The following DNER variants were observed in gnomAD, a reference collection of about 807,000 sequenced individuals.
DNER encodes the protein delta and Notch-like epidermal growth factor-related receptor.
Under a neutral mutation model 78.2 loss-of-function variants are expected in DNER, and 33 were observed. The ratio of observed to expected loss-of-function variants is 0.42; its 90% CI spans 0.32 to 0.56. The LOEUF (loss-of-function observed/expected upper bound fraction) is 0.56, where lower values mean the gene tolerates loss of function less well. Ranked by LOEUF, DNER falls within the 20% of genes least tolerant of loss-of-function variation. DNER has a pLI of 0.11. For missense variants in DNER, 918 were observed against 975.3 expected (o/e 0.94, Z 0.78); for synonymous variants, 417 against 384.8 (o/e 1.08, Z -0.98).
chr2:229,566,614 G>A (rs781368029), intron 4 of DNER, among the ~76,000 whole-genome samples: 1 of 152,086 alleles, frequency 6.6e-6, no homozygotes, highest in Non-Finnish European at 1.5e-5. Context: ...AAGCTCTCAG[G>A]CAGTCTTCCT....
At chr2:229,705,570 G>T (rs1247442610) in intron 1 of DNER, among the ~76,000 whole-genome samples, 1 of 152,106 alleles carries the variant, frequency 6.6e-6, no homozygotes, top group Non-Finnish European at 1.5e-5. Context: ...CACAAACCAT[G>T]GAGCAGTCTG....
At chr2:229,414,578 C>G (rs955858547) in intron 9 of DNER, among the ~76,000 whole-genome samples, 50 of 152,188 alleles carry the variant, frequency 3.3e-4, no homozygotes, top group Non-Finnish European at 1.0e-4. Flanking sequence ...GTTTAACACA[C>G]TTGTATGCCT....
At chr2:229,658,924 G>A (rs1024151187) in intron 1 of DNER, among the ~76,000 whole-genome samples, 3 of 152,216 alleles carry the variant, frequency 2.0e-5, no homozygotes, top group Non-Finnish European at 2.9e-5. Flanking sequence ...TAAAAATAGA[G>A]GTTACAAAAT....
At chr2:229,404,932 G>GTAA (rs78595866) in intron 10 of DNER, among the ~76,000 whole-genome samples, 147,554 of 152,162 alleles carry the variant, frequency 0.97, 71,698 homozygotes, top group Middle Eastern at 1. Flanking sequence ...ATGTAATTAT[G>GTAA]GACTAAAATA....
intron 4 of DNER, among the ~76,000 whole-genome samples, chr2:229,583,744 G>A (rs1057176653): frequency 1.3e-5 from 2 of 152,126 alleles, no homozygotes; most frequent in Non-Finnish European, 2.9e-5. Flanking sequence ...AGCAGATATG[G>A]AAGTAAATAA....
intron 1 of DNER, among the ~76,000 whole-genome samples, chr2:229,593,873 G>C (rs1355526807): frequency 6.6e-6 from 1 of 152,226 alleles, no homozygotes; most frequent in Admixed American, 6.5e-5. Context: ...TTCAATACAT[G>C]CATTAAAAAG....
intron 12 of DNER, among the ~76,000 whole-genome samples, chr2:229,361,229 T>TA (rs1692202651): frequency 6.6e-6 from 1 of 151,948 alleles, no homozygotes; most frequent in South Asian, 2.1e-4. Flanking sequence ...TTTTTTTTTT[T>TA]AATATCTCAG....
At position 229,407,234 on chromosome 2, in the gene DNER, G is replaced by T. The variant is rs765810340; in HGVS notation, c.1721C>A (p.Thr574Lys). The T allele has an allele frequency of 2.5e-6, 4 of 1,606,114 alleles. No individual in the cohort carries two copies. The highest frequency in any genetic ancestry group is 3.4e-6 in the Non-Finnish European group (4 of 1,173,584). ...ACTCAGTCCCTGGAATCACTTGCCTGTAAACCCGGGTGCACAGATGCACGT... is the reference window on the plus strand; with the variant it reads ...ACTCAGTCCCTGGAATCACTTGCCTTTAAACCCGGGTGCACAGATGCACGT... Reference protein sequence around the residue: ...NGTCICAPGFTGEECDIDINE... With the variant: ...NGTCICAPGFKGEECDIDINE... The change falls in exon 10 of 13, where the codon ACA becomes AAA. Residue 574 changes from threonine to lysine, a missense_variant and splice_region_variant. Coordinates refer to ENST00000341772, the MANE Select transcript of DNER (RefSeq NM_139072.4).
intron 1 of DNER, among the ~76,000 whole-genome samples, chr2:229,616,077 A>G (rs1698156979): frequency 6.6e-6 from 1 of 152,266 alleles, no homozygotes; most frequent in South Asian, 2.1e-4. Flanking sequence ...TTTTATTAAA[A>G]ACTGCAAAAC....
intron 1 of DNER, among the ~76,000 whole-genome samples, chr2:229,634,098 C>A (rs1429211474): frequency 6.6e-6 from 1 of 152,138 alleles, no homozygotes; most frequent in Non-Finnish European, 1.5e-5. Flanking sequence ...CATGCACAGC[C>A]TATGGAAATG....
intron 4 of DNER, among the ~76,000 whole-genome samples, chr2:229,549,961 A>G (rs750965404): frequency 2.0e-5 from 3 of 152,000 alleles, no homozygotes; most frequent in Non-Finnish European, 1.5e-5. Context: ...AATCTTGTGT[A>G]CAATGAAATC....
intron 6 of DNER, among the ~76,000 whole-genome samples, chr2:229,501,459 G>A (rs1695622511): frequency 6.6e-6 from 1 of 150,944 alleles, no homozygotes; most frequent in Non-Finnish European, 1.5e-5. Flanking sequence ...ACTGATACTT[G>A]ACATAGAAAT....
intron 6 of DNER, among the ~76,000 whole-genome samples, chr2:229,486,322 C>T (rs532184613): frequency 6.6e-6 from 1 of 151,396 alleles, no homozygotes. Flanking sequence ...TGAAGCCCAT[C>T]TATGAAAGAC....
chr2:229,590,565 G>A (rs1697584320), intron 2 of DNER, among the ~76,000 whole-genome samples: 1 of 152,116 alleles, frequency 6.6e-6, no homozygotes, highest in Non-Finnish European at 1.5e-5. Flanking sequence ...ATTAAGAGGT[G>A]GGGCCTTTGA....
intron 1 of DNER, among the ~76,000 whole-genome samples, chr2:229,626,810 A>G (rs1004152229): frequency 6.6e-6 from 1 of 152,376 alleles, no homozygotes; most frequent in Middle Eastern, 3.4e-3. Context: ...AATTCAGTAC[A>G]TACAACATAT....
intron 1 of DNER, among the ~76,000 whole-genome samples, chr2:229,628,669 T>C (rs1049871195): frequency 2.0e-5 from 3 of 152,152 alleles, no homozygotes; most frequent in Admixed American, 6.5e-5. Flanking sequence ...GCACTGACCA[T>C]GGTAACGCTA....
intron 7 of DNER, among the ~76,000 whole-genome samples, chr2:229,455,779 C>T (rs1694559811): frequency 6.6e-6 from 1 of 152,108 alleles, no homozygotes; most frequent in South Asian, 2.1e-4. Context: ...GTACCAGGCA[C>T]TGTTCCAAGG....
chr2:229,675,917 C>G (rs928722126), intron 1 of DNER, among the ~76,000 whole-genome samples: 4 of 152,140 alleles, frequency 2.6e-5, no homozygotes, highest in African/African-American at 9.7e-5. Flanking sequence ...GTACCACTGC[C>G]AGGGCTGCTC....
intron 5 of DNER, among the ~76,000 whole-genome samples, chr2:229,538,368 T>A (rs1696451513): frequency 1.3e-5 from 2 of 152,122 alleles, no homozygotes; most frequent in African/African-American, 4.8e-5. Flanking sequence ...TAGAAAAATG[T>A]ATATATATTT....
Sources: allele counts gnomAD v4.1 joint callset (sites outside exome capture counted in the v4.1 genomes callset), GRCh38; gene constraint gnomAD v4.1.1; transcripts MANE v1.5; gene names NCBI Gene and HGNC (gene_info 2026-07-23, HGNC 2026-07-21).